ANP32B: variants seen among roughly 807,000 people sequenced by gnomAD.
The protein encoded by ANP32B is acidic leucine-rich nuclear phosphoprotein 32 family member B.
A neutral mutation model predicts 32.2 loss-of-function variants in ANP32B; 6 were observed. That is an observed-to-expected ratio of 0.19 (90% CI 0.10 to 0.37). ANP32B has a LOEUF of 0.37. Among genes scored for constraint, ANP32B ranks in the 10% least tolerant of loss-of-function variants. ANP32B has a pLI of 1.00. For missense variants in ANP32B, 204 were observed against 289.2 expected (o/e 0.71, Z 2.14); for synonymous variants, 98 against 105.8 (o/e 0.93, Z 0.45).
At chr9:97,988,051 A>C (rs74675803) in intron 1 of ANP32B, among the ~76,000 whole-genome samples, 1 of 152,176 alleles carries the variant, frequency 6.6e-6, no homozygotes, top group African/African-American at 2.4e-5. Context: ...TAGACACTTT[A>C]GTGTATTATA....
rs796470190 is a variant in ANP32B, at chr9:98,015,696, G to A, written c.*265G>A. On this transcript the variant is annotated 3_prime_UTR_variant, in exon 7 of 7. Coordinates refer to ENST00000339399, the MANE Select transcript of ANP32B (RefSeq NM_006401.3). ...TTTTGTGTAAGATTCTTGCTGTAGC[G>A]TGGATAGCTGTGATTGGTGAGTCAA... 1.4e-5 allele frequency: 16 copies of A among 1,106,804 alleles called. No individual in the cohort carries two copies. In the Admixed American group the frequency reaches 1.9e-4, roughly 13 times the overall value. 68.6% of individuals were successfully genotyped at this position (1,106,804 alleles called of 1,614,324 possible).
At chr9:98,010,745 C>G (rs1336500697) in intron 4 of ANP32B, among the ~76,000 whole-genome samples, 2 of 152,118 alleles carry the variant, frequency 1.3e-5, no homozygotes, top group African/African-American at 4.8e-5. Context: ...AGCCTCCTGT[C>G]CCCTGAGTCA....
chr9:98,010,840 AT>A (rs11324852), intron 4 of ANP32B, among the ~76,000 whole-genome samples: 83,925 of 149,290 alleles, frequency 0.56, 24,713 homozygotes, highest in African/African-American at 0.75. Context: ...AAGGTACATG[AT>A]TTTTTTTTTT....
intron 4 of ANP32B, among the ~76,000 whole-genome samples, chr9:98,010,296 A>G (rs1471156202): frequency 1.3e-5 from 2 of 149,638 alleles, no homozygotes; most frequent in East Asian, 3.9e-4. Context: ...TTTAAATCAT[A>G]AATAGGCTAG....
Position 97,983,376 on chromosome 9 carries a change from T to C in ANP32B, c.-180T>C, listed in dbSNP as rs1587867438. ...CATGGTTTCTCTCCGCTCCCGTGAG[T>C]AACTTGGCTCCGGGGGCTCCGCTCG... is the stretch of plus-strand genomic sequence containing the variant. On this transcript the variant is annotated 5_prime_UTR_variant, in exon 1 of 7. The change abolishes the stop of an existing upstream ORF in the 5' untranslated region. Transcript: ENST00000339399. 1.8e-6 allele frequency: 1 copy of C among 558,512 alleles called. No homozygotes were observed. Among genetic ancestry groups the C allele is most frequent in the Non-Finnish European group, 3.2e-6 (1 of 313,996 alleles). 34.6% of individuals were successfully genotyped at this position (558,512 alleles called of 1,614,324 possible). A position where few individuals can be genotyped will look rare whatever the true frequency, so the allele number is the denominator to read the frequency against.
chr9:97,984,404 C>T (rs1827663422), intron 1 of ANP32B, among the ~76,000 whole-genome samples: 1 of 151,492 alleles, frequency 6.6e-6, no homozygotes, highest in Non-Finnish European at 1.5e-5. Flanking sequence ...TCCTGCCTCC[C>T]AGGGGCAGCC....
At chr9:98,001,456 C>T (rs1057049857) in intron 3 of ANP32B, among the ~76,000 whole-genome samples, 3 of 151,818 alleles carry the variant, frequency 2.0e-5, no homozygotes, top group Non-Finnish European at 2.9e-5. Context: ...CCTCCCAAAG[C>T]GCTGGGATTA....
intron 1 of ANP32B, among the ~76,000 whole-genome samples, chr9:97,993,637 G>C (rs989613949): frequency 6.6e-6 from 1 of 152,138 alleles, no homozygotes; most frequent in African/African-American, 2.4e-5. Flanking sequence ...CAAATCATCA[G>C]ATGTGATACT....
intron 3 of ANP32B, among the ~76,000 whole-genome samples, chr9:98,000,534 G>A (rs1827972757): frequency 6.6e-6 from 1 of 152,194 alleles, no homozygotes; most frequent in South Asian, 2.1e-4. Flanking sequence ...AAGTAACCCA[G>A]AGAAGAGAGA....
intron 3 of ANP32B, among the ~76,000 whole-genome samples, chr9:97,999,483 A>G (rs931710462): frequency 6.6e-5 from 10 of 152,112 alleles, no homozygotes; most frequent in Non-Finnish European, 1.5e-5. Flanking sequence ...AGTTGCCTAG[A>G]GTTTTGCATG....
At chr9:97,996,544 T>A (rs925064948) in intron 2 of ANP32B, among the ~76,000 whole-genome samples, 3 of 152,188 alleles carry the variant, frequency 2.0e-5, no homozygotes, top group Non-Finnish European at 4.4e-5. Flanking sequence ...AGTGTACTCA[T>A]GATTGATAAG....
At chr9:98,011,463 AAAG>A (rs1564141900) in intron 5 of ANP32B, 74 bp downstream of exon 5, 2 of 1,523,194 alleles carry the variant, frequency 1.3e-6, no homozygotes, top group Non-Finnish European at 1.8e-6. Flanking sequence ...AAAGATGACA[AAAG>A]AAAAGAAAAA....
At chr9:97,997,396 G>T (rs1378322907) in intron 2 of ANP32B, among the ~76,000 whole-genome samples, 1 of 152,118 alleles carries the variant, frequency 6.6e-6, no homozygotes, top group African/African-American at 2.4e-5. Flanking sequence ...ACTCTACTCT[G>T]CATCATATAG....
At chr9:97,990,264 T>A (rs891991432) in intron 1 of ANP32B, among the ~76,000 whole-genome samples, 3 of 152,228 alleles carry the variant, frequency 2.0e-5, no homozygotes, top group African/African-American at 2.4e-5. Flanking sequence ...GTAAATACAC[T>A]TTTTCTGCAC....
chr9:98,001,591 C>T (rs1827993646), intron 3 of ANP32B, among the ~76,000 whole-genome samples: 1 of 152,170 alleles, frequency 6.6e-6, no homozygotes, highest in South Asian at 2.1e-4. Flanking sequence ...CAGCCTGAAT[C>T]CTCTGATTAT....
chr9:97,987,467 A>G (rs1309516985), intron 1 of ANP32B: 2 of 152,258 alleles, frequency 1.3e-5, no homozygotes, highest in Non-Finnish European at 2.9e-5. Context: ...ACTGACATGC[A>G]GTAGCTAGAT....
At chr9:97,984,007 C>A (rs1167927235) in intron 1 of ANP32B, among the ~76,000 whole-genome samples, 2 of 150,042 alleles carry the variant, frequency 1.3e-5, no homozygotes, top group Non-Finnish European at 3.0e-5. Flanking sequence ...CGAGGAGCTG[C>A]GCGGCCATCC....
Position 98,015,767 on chromosome 9 carries a change from C to T in ANP32B, c.*336C>T, listed in dbSNP as rs72755412. 2 of 998,734 alleles carry T rather than the reference C, an allele frequency of 2.0e-6. No individual in the cohort carries two copies. Among genetic ancestry groups the T allele is most frequent in the South Asian group, 4.7e-5 (1 of 21,448 alleles). 61.9% of individuals were successfully genotyped at this position (998,734 alleles called of 1,614,324 possible). A position where few individuals can be genotyped will look rare whatever the true frequency, so the allele number is the denominator to read the frequency against. ...CACTGAGATTGTAACAGCATTTTTA[C>T]TTTCTGTACAACAAAAAAGCTTTGT... On this transcript the variant is annotated 3_prime_UTR_variant, in exon 7 of 7. Transcript: ENST00000339399.
Position 98,015,715 on chromosome 9 carries a change from GAGTCAACCGTCTGT to G in ANP32B, c.*285_*298del. The stretch of plus-strand genomic sequence containing the variant: ...TGTAGCGTGGATAGCTGTGATTGGT[GAGTCAACCGTCTGT>G]GGCTACCAGTTACACTGAGATTGTA... On this transcript the variant is annotated 3_prime_UTR_variant, in exon 7 of 7. Coordinates refer to ENST00000339399, the MANE Select transcript of ANP32B (RefSeq NM_006401.3). 9.4e-7 allele frequency: 1 copy of G among 1,063,878 alleles called. No homozygotes were observed. 65.9% of individuals were successfully genotyped at this position (1,063,878 alleles called of 1,614,324 possible).
Sources: gnomAD v4.1 joint callset for allele counts (sites outside exome capture counted in the v4.1 genomes callset) on GRCh38, gnomAD v4.1.1 for gene constraint, MANE v1.5 for transcripts, NCBI Gene and HGNC (gene_info 2026-07-23, HGNC 2026-07-21) for gene names.